The following PCDH11X variants were observed in gnomAD, a reference collection of about 807,000 sequenced individuals.
PCDH11X encodes protocadherin-11 X-linked.
Under a neutral mutation model 53.3 loss-of-function variants are expected in PCDH11X, and 18 were observed. The ratio of observed to expected loss-of-function variants is 0.34; its 90% CI spans 0.23 to 0.50. The LOEUF (loss-of-function observed/expected upper bound fraction) is 0.50. Ranked by LOEUF, PCDH11X falls within the 20% of genes least tolerant of loss-of-function variation. The probability of loss-of-function intolerance (pLI) is 0.98; values close to 1 mark genes in which losing one functional copy is unlikely to be tolerated. For synonymous variants in PCDH11X, 279 were observed against 393.3 expected (o/e 0.71, Z 3.44); for missense variants, 570 against 1,032.4 (o/e 0.55, Z 6.14).
intron 7 of PCDH11X, among the ~76,000 whole-genome samples, chrX:92,248,228 A>C (rs1279872141): frequency 1.8e-5 from 2 of 111,344 alleles, no homozygotes; most frequent in African/African-American, 6.5e-5. Flanking sequence ...AGGCAATTAT[A>C]ATAACTTCTC....
intron 6 of PCDH11X, among the ~76,000 whole-genome samples, chrX:92,183,855 T>A (rs6618899): frequency 0.064 from 7,173 of 111,676 alleles, 390 homozygotes; most frequent in East Asian, 0.43. Flanking sequence ...CTGTTAAATG[T>A]CAGCTCCTCG....
intron 4 of PCDH11X, among the ~76,000 whole-genome samples, chrX:91,813,251 C>A (rs2147563807): frequency 9.0e-6 from 1 of 110,977 alleles, no homozygotes; most frequent in South Asian, 3.8e-4. Flanking sequence ...TTAAAAAAAA[C>A]AAAACTGATT....
At chrX:91,821,149 G>A (rs956606034) in intron 4 of PCDH11X, among the ~76,000 whole-genome samples, 5 of 107,017 alleles carry the variant, frequency 4.7e-5, no homozygotes, top group South Asian at 7.8e-4. Flanking sequence ...TTGACTTGGC[G>A]ATGCGGGCTC....
intron 10 of PCDH11X, among the ~76,000 whole-genome samples, chrX:92,481,091 C>T (rs1267352319): frequency 9.0e-6 from 1 of 110,874 alleles, no homozygotes; most frequent in East Asian, 2.9e-4. Flanking sequence ...GAGGTCCCCA[C>T]TCAGGGAATG....
chrX:92,280,558 A>G, intron 8 of PCDH11X, among the ~76,000 whole-genome samples: 1 of 107,511 alleles, frequency 9.3e-6, no homozygotes, highest in East Asian at 3.2e-4. Context: ...ATAAATAAAT[A>G]AATAATAGAA....
chrX:92,147,855 T>TTTCTTTCTTTCTCTTTCTTTCTTTC (rs1569388372), intron 6 of PCDH11X, among the ~76,000 whole-genome samples: 18 of 22,369 alleles, frequency 8.0e-4, no homozygotes, highest in African/African-American at 1.4e-3. Flanking sequence ...TTCTTTCTTT[T>TTTCTTTCTTTCTCTTTCTTTCTTTC]TTCTTTTCTC....
chrX:92,368,090 C>T (rs1440282880), intron 8 of PCDH11X, among the ~76,000 whole-genome samples: 4 of 101,005 alleles, frequency 4.0e-5, no homozygotes, highest in Non-Finnish European at 8.0e-5. Flanking sequence ...AAGTGTGTTT[C>T]CCAACTTGGT....
chrX:92,387,165 T>C (rs1337551447), intron 8 of PCDH11X, among the ~76,000 whole-genome samples: 1 of 110,346 alleles, frequency 9.1e-6, no homozygotes, highest in Non-Finnish European at 1.9e-5. Flanking sequence ...ATCCATATTA[T>C]GTAATTACCT....
Position 92,515,839 on chromosome X carries a change from A to C in PCDH11X, c.3367+47517A>C, listed in dbSNP as rs1228282995. Among the ~76,000 whole-genome samples, 17 of 110,800 alleles carry C rather than the reference A, an allele frequency of 1.5e-4. No individual in the cohort carries two copies. In the Admixed American group the frequency reaches 1.6e-3, roughly 11 times the overall value. ...TAAGTAATATTACAAATTTAGTGTTATTACAAAGTACTTGGATACATGTTT... is the reference window on the plus strand; with the variant it reads ...TAAGTAATATTACAAATTTAGTGTTCTTACAAAGTACTTGGATACATGTTT... On this transcript the variant is annotated intron_variant, in intron 10 of 10. Transcript: ENST00000682573.
At chrX:92,091,370 G>T (rs1378877940) in intron 6 of PCDH11X, among the ~76,000 whole-genome samples, 1 of 109,430 alleles carries the variant, frequency 9.1e-6, no homozygotes, top group Non-Finnish European at 1.9e-5. Context: ...TCTTCTCTGT[G>T]GTCAGACATG....
intron 10 of PCDH11X, among the ~76,000 whole-genome samples, chrX:92,588,374 A>G (rs754331790): frequency 1.9e-3 from 198 of 102,548 alleles, no homozygotes; most frequent in African/African-American, 5.7e-3. Context: ...GTGTGTGTGT[A>G]TATATATATA....
chrX:92,545,892 T>TC (rs1460838116), intron 10 of PCDH11X, among the ~76,000 whole-genome samples: 11 of 108,525 alleles, frequency 1.0e-4, no homozygotes, highest in African/African-American at 3.6e-4. Context: ...ATCCCTTTGG[T>TC]TTACAAATAG....
intron 8 of PCDH11X, among the ~76,000 whole-genome samples, chrX:92,362,953 G>T (rs1482503314): frequency 1.9e-5 from 2 of 105,022 alleles, no homozygotes; most frequent in East Asian, 6.1e-4. Context: ...TTGTTTTTAG[G>T]TTCCCTATCA....
chrX:92,613,203 G>T (rs1927566217), intron 10 of PCDH11X, among the ~76,000 whole-genome samples: 1 of 109,601 alleles, frequency 9.1e-6, no homozygotes, highest in African/African-American at 3.3e-5. Flanking sequence ...GGGTCTTTGG[G>T]CTATGTATTT....
At chrX:92,257,618 G>A (rs1421313217) in intron 7 of PCDH11X, among the ~76,000 whole-genome samples, 2 of 112,454 alleles carry the variant, frequency 1.8e-5, no homozygotes, top group South Asian at 3.7e-4. Flanking sequence ...TTGGCCAAAA[G>A]AAAGGGGCTA....
chrX:92,181,024 A>G (rs1216691607), intron 6 of PCDH11X, among the ~76,000 whole-genome samples: 1 of 111,468 alleles, frequency 9.0e-6, no homozygotes, highest in African/African-American at 3.3e-5. Flanking sequence ...AGAGGTTGGA[A>G]GAGTTTGGAG....
intron 6 of PCDH11X, among the ~76,000 whole-genome samples, chrX:91,962,637 C>A (rs1388608926): frequency 9.0e-6 from 1 of 111,451 alleles, no homozygotes; most frequent in Non-Finnish European, 1.9e-5. Flanking sequence ...CTCCAGTAGG[C>A]AATACCCCAG....
intron 8 of PCDH11X, among the ~76,000 whole-genome samples, chrX:92,287,506 C>T (rs1369729489): frequency 1.8e-5 from 2 of 111,124 alleles, no homozygotes; most frequent in Non-Finnish European, 3.8e-5. Flanking sequence ...CAGTATCCAC[C>T]GTTGGCATTC....
At chrX:92,466,585 G>A (rs2073161998) in intron 9 of PCDH11X, among the ~76,000 whole-genome samples, 1 of 110,033 alleles carries the variant, frequency 9.1e-6, no homozygotes, top group Admixed American at 9.7e-5. Context: ...TATGCTTATT[G>A]TTCTGAATTT....
Sources: allele counts gnomAD v4.1 joint callset (sites outside exome capture counted in the v4.1 genomes callset), GRCh38; gene constraint gnomAD v4.1.1; transcripts MANE v1.5; gene names NCBI Gene and HGNC (gene_info 2026-07-23, HGNC 2026-07-21).